BBS1: variants seen among roughly 807,000 people sequenced by gnomAD.
The protein encoded by BBS1 is Bardet-Biedl syndrome 1, also known as BBSome complex member BBS1.
In BBS1, 60 loss-of-function variants were observed where a neutral mutation model predicts 73.9. The observed-to-expected ratio is 0.81, with a 90% CI of 0.66 to 1.01. BBS1 has a LOEUF of 1.01. BBS1 is among the 50% of genes least tolerant of loss of function. BBS1 has a pLI of 0.00. For synonymous variants in BBS1, 283 were observed against 317.4 expected, an observed-to-expected ratio of 0.89 and a Z score of 1.15; for missense variants, 718 against 770.3, an observed-to-expected ratio of 0.93 and a Z score of 0.80.
rs959524321 is a variant in BBS1 at position 66,532,175 on chromosome 11, A to G, written c.*138A>G. On this transcript the variant is annotated 3_prime_UTR_variant, in exon 17 of 17. Transcript: ENST00000318312. ...CCCTCTCTTAAGCACCCGCTTCCTC[A>G]CCACCCCCACTGTTGGGCCTATAGT... The G allele has an allele frequency of 2.2e-6, 2 of 892,824 alleles. No homozygotes were observed. The highest frequency in any genetic ancestry group is 3.4e-5 in the African/African-American group (2 of 59,480). The allele number at this position is 892,824 out of a possible 1,614,324, so 55.3% of individuals were successfully genotyped here. A position where few individuals can be genotyped will look rare whatever the true frequency, so the allele number is the denominator to read the frequency against.
At chr11:66,520,930 G>T (rs1856188278) in intron 8 of BBS1, 1 of 366,730 alleles carries the variant, frequency 2.7e-6, no homozygotes, top group African/African-American at 2.1e-5. Flanking sequence ...TGTTGGACAG[G>T]CTGGTCTTGA....
intron 3 of BBS1, among the ~76,000 whole-genome samples, chr11:66,512,755 C>T (rs897032103): frequency 2.6e-5 from 4 of 151,924 alleles, no homozygotes; most frequent in South Asian, 2.1e-4. Flanking sequence ...GGGTGGATCA[C>T]GAGGTCAGGA....
intron 3 of BBS1, among the ~76,000 whole-genome samples, chr11:66,513,243 G>C (rs1230196214): frequency 2.0e-5 from 3 of 151,664 alleles, no homozygotes; most frequent in African/African-American, 7.3e-5. Flanking sequence ...AGAAGTCAAG[G>C]ATGAGAGGAT....
intron 9 of BBS1, chr11:66,523,185 C>T: frequency 1.7e-6 from 1 of 587,348 alleles, no homozygotes. Flanking sequence ...ATCATACAAG[C>T]CACCATAGTG....
intron 14 of BBS1, among the ~76,000 whole-genome samples, chr11:66,530,301 T>C (rs2134833234): frequency 6.6e-6 from 1 of 152,170 alleles, no homozygotes; most frequent in East Asian, 1.9e-4. Context: ...CTTTGGTAAC[T>C]GTGGGCAGCC....
Position 66,513,614 on chromosome 11 carries a change from G to A in BBS1, c.160-792G>A, listed in dbSNP as rs547918498. ...AGACTGCTTAAGCCCAGGAGTTTGA[G>A]GCTGCAGCGAGCCATGATCGCACCA... On this transcript the variant is annotated intron_variant, in intron 3 of 16. Transcript: ENST00000318312. Among the ~76,000 whole-genome samples, 3 of 152,288 alleles carry A rather than the reference G, an allele frequency of 2.0e-5. No individual in the cohort carries two copies. In the South Asian group the frequency reaches 6.2e-4, roughly 32 times the overall value.
Position 66,514,531 on chromosome 11 carries a change from G to C in BBS1, c.285G>C (p.Glu95Asp). 1.2e-6 allele frequency: 2 copies of C among 1,614,172 alleles called. No individual in the cohort carries two copies. The highest frequency in any genetic ancestry group is 1.7e-6 in the Non-Finnish European group (2 of 1,180,028). ...CTGCTGCTGCCACCTTCCTCATGGA[G>C]CAACATGAGCCCCGGACCCCAGCTC... ...LPAAAATFLM[E>D]QHEPRTPALA... The change falls in exon 4 of 17, where the codon GAG becomes GAC. Residue 95 changes from glutamate to aspartate, a missense_variant. Transcript: ENST00000318312.
intron 13 of BBS1, 105 bp downstream of exon 13, chr11:66,526,912 C>T (rs771721513): frequency 7.5e-6 from 12 of 1,608,132 alleles, no homozygotes; most frequent in Middle Eastern, 1.7e-4. Flanking sequence ...GAGGAGATCT[C>T]GGCCAACTAG....
At chr11:66,527,668 C>CAAAAAAA (rs58165767) in intron 13 of BBS1, 8 of 57,960 alleles carry the variant, frequency 1.4e-4, no homozygotes, top group East Asian at 5.5e-4. Context: ...GACTCCGTCT[C>CAAAAAAA]AAAAAAAAAA....
intron 11 of BBS1, 46 bp downstream of exon 11, chr11:66,523,928 G>T: frequency 1.2e-6 from 2 of 1,608,780 alleles, no homozygotes; most frequent in Non-Finnish European, 8.5e-7. Flanking sequence ...CCTTGCCCTC[G>T]TCTCACCTCT....
chr11:66,514,467 C>T lies in BBS1; in HGVS notation c.221C>T (p.Pro74Leu), dbSNP rs1221430526. The T allele has an allele frequency of 3.7e-6, 6 of 1,614,050 alleles. No individual in the cohort carries two copies. The South Asian group carries it at 4.4e-5, about 12-fold the overall frequency. The change falls in exon 4 of 17, where the codon CCA becomes CTA. Residue 74 changes from proline (P) to leucine (L), a missense_variant. Physicochemically the swap from Pro to Leu is moderately conservative, Grantham distance 98. Transcript: ENST00000318312. ...QQPRLKVLKGPLVMTESPLPA... is the reference protein window; with the variant it reads ...QQPRLKVLKGLLVMTESPLPA... ...CCCCGCCTGAAGGTGCTCAAAGGAC[C>T]ACTGGTGATGACCGAAAGCCCGCTA...
At position 66,511,060 on chromosome 11, in the gene BBS1, C is replaced by G; in HGVS notation, c.95C>G (p.Ala32Gly). ...KWLDAHYDPM[A>G]NIHTFSACLA... is the part of the protein sequence containing the mutation. ...TTGGATGCGCACTACGACCCAATGG[C>G]CAATATCCACACCTTTTCTGCCTGC... The change falls in exon 2 of 17, where the codon GCC becomes GGC. Residue 32 changes from alanine (A) to glycine (G), a missense_variant. By Grantham distance (60) the Ala-to-Gly change is moderately conservative (BLOSUM62 0). Coordinates refer to ENST00000318312, the MANE Select transcript of BBS1 (RefSeq NM_024649.5). The G allele has an allele frequency of 6.2e-7, 1 of 1,614,182 alleles. No homozygotes were observed. The highest frequency in any genetic ancestry group is 8.5e-7 in the Non-Finnish European group (1 of 1,180,042).
rs762510505 is a variant in BBS1, at chr11:66,510,653, T to G, written c.-7T>G. 1.2e-6 allele frequency: 2 copies of G among 1,614,074 alleles called. No homozygotes were observed. Among genetic ancestry groups the G allele is most frequent in the South Asian group, 1.1e-5 (1 of 91,090 alleles). On this transcript the variant is annotated 5_prime_UTR_variant, in exon 1 of 17. Coordinates refer to ENST00000318312, the MANE Select transcript of BBS1 (RefSeq NM_024649.5). The stretch of plus-strand genomic sequence containing the variant: ...CGGGGCCGGTTGCCAGGACGACGCC[T>G]GCGAAGATGGCCGCTGCGTCCTCAT...
Position 66,514,390 on chromosome 11 carries a change from C to CA in BBS1, c.160-15dup, listed in dbSNP as rs1237823797. ...TTCAGACCCTGAGCCTAGAATGAGCCATCCTCTCCCTGCAGCTGGTGGTAG... is the reference window on the plus strand; with the variant it reads ...TTCAGACCCTGAGCCTAGAATGAGCCAATCCTCTCCCTGCAGCTGGTGGTAG... On this transcript the variant is annotated splice_polypyrimidine_tract_variant and intron_variant, in intron 3 of 16. Transcript: ENST00000318312. 1 of 1,613,880 alleles carries CA rather than the reference C, an allele frequency of 6.2e-7. No homozygotes were observed. The highest frequency in any genetic ancestry group is 8.5e-7 in the Non-Finnish European group (1 of 1,180,014).
chr11:66,511,287 C>T (rs372818503), intron 3 of BBS1, 48 bp downstream of exon 3: 2 of 1,601,812 alleles, frequency 1.2e-6, no homozygotes, highest in Non-Finnish European at 8.5e-7. Context: ...GGGGGTGTAC[C>T]CAGAAATGAG....
chr11:66,532,145 G>T lies in BBS1; in HGVS notation c.*108G>T, dbSNP rs570234503. 2 of 1,215,576 alleles carry T rather than the reference G, an allele frequency of 1.6e-6. No homozygotes were observed. The highest frequency in any genetic ancestry group is 1.4e-5 in the South Asian group (1 of 70,978). 75.3% of individuals were successfully genotyped at this position (1,215,576 alleles called of 1,614,324 possible). On this transcript the variant is annotated 3_prime_UTR_variant, in exon 17 of 17. Transcript: ENST00000318312. ...CAGCAGTGTGCTGGGGCGACAGCTC[G>T]TCTCCCCTCTCTTAAGCACCCGCTT...
In BBS1 at chr11:66,515,579, A is replaced by G; in HGVS notation, c.472A>G (p.Ser158Gly). Residue 158 changes from serine to glycine, a missense_variant, in exon 5 of 17, where the codon AGC (serine) becomes GGC (glycine). Ser to Gly is a moderately conservative substitution (Grantham distance 56, BLOSUM62 0). Transcript: ENST00000318312. Reference protein sequence around the residue: ...DPLTLKEMLESIRETAEEPLS... With the variant: ...DPLTLKEMLEGIRETAEEPLS... ...CTTAACCCTGAAGGAGATGCTGGAGAGCATCCGGTGAGAGGCTGCCTTCCC... is the reference window on the plus strand; with the variant it reads ...CTTAACCCTGAAGGAGATGCTGGAGGGCATCCGGTGAGAGGCTGCCTTCCC... 6.2e-7 allele frequency: 1 copy of G among 1,614,122 alleles called. No individual in the cohort carries two copies. The highest frequency in any genetic ancestry group is 8.5e-7 in the Non-Finnish European group (1 of 1,180,026).
In BBS1 at chr11:66,533,484, C is replaced by T. The variant is rs1856863188; in HGVS notation, c.*1447C>T. The T allele has an allele frequency of 6.6e-6, 1 of 152,164 alleles. No individual in the cohort carries two copies. Among genetic ancestry groups the T allele is most frequent in the South Asian group, 2.1e-4 (1 of 4,834 alleles). The allele number at this position is 152,164 out of a possible 1,614,324, so 9.4% of individuals were successfully genotyped here. On this transcript the variant is annotated 3_prime_UTR_variant, in exon 17 of 17. Transcript: ENST00000318312. ...GCTTTAGCTCTCTTTTGTCAGCAACCCTCCCCCATCCCTAGTTATTAGGTT... is the reference window on the plus strand; with the variant it reads ...GCTTTAGCTCTCTTTTGTCAGCAACTCTCCCCCATCCCTAGTTATTAGGTT...
chr11:66,516,415 C>T (rs1472371129), intron 7 of BBS1, among the ~76,000 whole-genome samples: 1 of 152,074 alleles, frequency 6.6e-6, no homozygotes, highest in Non-Finnish European at 1.5e-5. Context: ...TGTGAGCCAT[C>T]GTGCCATGCC....
Sources: allele counts gnomAD v4.1 joint callset (sites outside exome capture counted in the v4.1 genomes callset), GRCh38; gene constraint gnomAD v4.1.1; transcripts MANE v1.5; gene names NCBI Gene and HGNC (gene_info 2026-07-23, HGNC 2026-07-21).